ABCA13: variants seen among roughly 807,000 people sequenced by gnomAD.
ABCA13 encodes the protein ATP-binding cassette sub-family A member 13.
Under a neutral mutation model 478.7 loss-of-function variants are expected in ABCA13, and 476 were observed. The observed-to-expected ratio is 0.99, with a 90% CI of 0.92 to 1.07. The LOEUF (loss-of-function observed/expected upper bound fraction) is 1.07. Among genes scored for constraint, ABCA13 ranks in the 50% least tolerant of loss-of-function variants. The pLI is 0.00. For missense variants in ABCA13, 6,060 were observed against 5,910.6 expected, an observed-to-expected ratio of 1.03 and a Z score of -0.83; for synonymous variants, 2,252 against 2,158.9, an observed-to-expected ratio of 1.04 and a Z score of -1.20.
At chr7:48,480,135 A>G (rs753335842) in intron 45 of ABCA13, among the ~76,000 whole-genome samples, 33 of 152,326 alleles carry the variant, frequency 2.2e-4, no homozygotes, top group Non-Finnish European at 3.8e-4. Flanking sequence ...AGTTCAGAAA[A>G]TGAGACTCCA....
intron 55 of ABCA13, among the ~76,000 whole-genome samples, chr7:48,558,032 C>G (rs961225993): frequency 1.3e-5 from 2 of 151,532 alleles, no homozygotes; most frequent in Non-Finnish European, 1.5e-5. Context: ...TTTTAAGTAG[C>G]CTGTCTTCAA....
At chr7:48,293,197 C>CAA (rs1798807159) in intron 20 of ABCA13, among the ~76,000 whole-genome samples, 1 of 127,092 alleles carries the variant, frequency 7.9e-6, no homozygotes, top group African/African-American at 3.1e-5. Flanking sequence ...CTTCAGCCCC[C>CAA]CCCCCGCCAC....
chr7:48,279,418 A>T lies in ABCA13; in HGVS notation c.8224A>T (p.Thr2742Ser). Residue 2742 changes from threonine to serine, a missense_variant, in exon 18 of 62, where the codon ACC becomes TCC. Physicochemically the swap from Thr to Ser is moderately conservative, Grantham distance 58. This residue lies in a region of ABCA13 where 4,423 missense variants were observed against 4,309.1 expected (regional missense o/e 1.03). Coordinates refer to ENST00000435803, the MANE Select transcript of ABCA13 (RefSeq NM_152701.5). ...TTTCTTGAAAATGGTGATCTGTCTC[A>T]CCTTAGAAGCTCTTTGGAAAAACTT... ...GSFLKMVICL[T>S]LEALWKNLKK... 1 of 1,603,544 alleles carries T rather than the reference A, an allele frequency of 6.2e-7. No individual in the cohort carries two copies. Among genetic ancestry groups the T allele is most frequent in the South Asian group, 1.1e-5 (1 of 89,674 alleles).
chr7:48,522,458 T>G (rs1322164034), intron 53 of ABCA13, among the ~76,000 whole-genome samples: 1 of 152,180 alleles, frequency 6.6e-6, no homozygotes, highest in Non-Finnish European at 1.5e-5. Context: ...GTCTGTACCC[T>G]AGGTGCTGGC....
chr7:48,623,176 A>G (rs1484173424), intron 59 of ABCA13, among the ~76,000 whole-genome samples: 1 of 152,162 alleles, frequency 6.6e-6, no homozygotes, highest in Non-Finnish European at 1.5e-5. Context: ...TCTTGTTGAC[A>G]TGTCTTTTGG....
chr7:48,362,335 C>T (rs556475192), intron 31 of ABCA13, among the ~76,000 whole-genome samples: 6 of 148,836 alleles, frequency 4.0e-5, no homozygotes, highest in Non-Finnish European at 7.4e-5. Flanking sequence ...GCTTTGTGGA[C>T]ATAACTCTAC....
chr7:48,322,585 T>C (rs2128912197), intron 27 of ABCA13, among the ~76,000 whole-genome samples: 1 of 152,316 alleles, frequency 6.6e-6, no homozygotes, highest in African/African-American at 2.4e-5. Context: ...GGGCAGCCGG[T>C]GCTCCTACCT....
chr7:48,366,873 G>C (rs1401189801), intron 31 of ABCA13, among the ~76,000 whole-genome samples: 1 of 152,102 alleles, frequency 6.6e-6, no homozygotes, highest in Non-Finnish European at 1.5e-5. Context: ...AGCAATCTCT[G>C]TGTTTATTGG....
intron 42 of ABCA13, among the ~76,000 whole-genome samples, chr7:48,452,656 C>T (rs944647039): frequency 1.3e-5 from 2 of 152,124 alleles, no homozygotes; most frequent in Non-Finnish European, 2.9e-5. Context: ...GAATGGGTGG[C>T]TAGATGTGAA....
chr7:48,487,889 C>G (rs1157294577), intron 47 of ABCA13, among the ~76,000 whole-genome samples: 1 of 152,224 alleles, frequency 6.6e-6, no homozygotes, highest in African/African-American at 2.4e-5. Flanking sequence ...ATGACATAAA[C>G]TCCTTCAGTT....
chr7:48,196,062 G>C (rs1202030835), intron 2 of ABCA13, among the ~76,000 whole-genome samples: 2 of 152,130 alleles, frequency 1.3e-5, no homozygotes, highest in African/African-American at 4.8e-5. Flanking sequence ...GGATAACGTG[G>C]TATCAGGACT....
intron 55 of ABCA13, among the ~76,000 whole-genome samples, chr7:48,544,192 A>T (rs1290789788): frequency 6.6e-6 from 1 of 151,726 alleles, no homozygotes; most frequent in Non-Finnish European, 1.5e-5. Context: ...ACAAGAAAGG[A>T]GGGAAATTTC....
chr7:48,463,586 CCTGG>C (rs1376308418), intron 43 of ABCA13, among the ~76,000 whole-genome samples: 2 of 152,104 alleles, frequency 1.3e-5, no homozygotes, highest in Non-Finnish European at 2.9e-5. Context: ...TCATATGTGG[CCTGG>C]CCTGTAGAGA....
At chr7:48,435,185 A>G (rs1822669535) in intron 42 of ABCA13, among the ~76,000 whole-genome samples, 1 of 151,778 alleles carries the variant, frequency 6.6e-6, no homozygotes, top group South Asian at 2.1e-4. Context: ...TTCTTCAGTA[A>G]CATTTTGTAG....
intron 55 of ABCA13, among the ~76,000 whole-genome samples, chr7:48,545,918 A>C (rs1173672377): frequency 1.3e-5 from 2 of 151,888 alleles, no homozygotes; most frequent in Non-Finnish European, 2.9e-5. Context: ...TCTGAACAAA[A>C]GAATAGAGAC....
chr7:48,597,205 C>T (rs1428894858), intron 58 of ABCA13, among the ~76,000 whole-genome samples: 1 of 152,190 alleles, frequency 6.6e-6, no homozygotes, highest in Non-Finnish European at 1.5e-5. Flanking sequence ...CCGCCTGGGC[C>T]TCCCAAAGTG....
chr7:48,384,520 T>C (rs777496836), intron 35 of ABCA13, among the ~76,000 whole-genome samples: 1 of 152,204 alleles, frequency 6.6e-6, no homozygotes, highest in Non-Finnish European at 1.5e-5. Flanking sequence ...TTACCTGACA[T>C]GTTGGTGGTC....
chr7:48,500,720 C>T (rs62447295), intron 48 of ABCA13, among the ~76,000 whole-genome samples: 9,837 of 152,236 alleles, frequency 0.065, 439 homozygotes, highest in African/African-American at 0.12. Flanking sequence ...GCCACCCCTC[C>T]AGTCTTCCCA....
At chr7:48,331,430 T>C (rs7456400) in intron 27 of ABCA13, among the ~76,000 whole-genome samples, 1 of 152,250 alleles carries the variant, frequency 6.6e-6, no homozygotes. Flanking sequence ...AATATGATTA[T>C]GAATTCATAG....
Sources: gnomAD v4.1 joint callset for allele counts (sites outside exome capture counted in the v4.1 genomes callset) on GRCh38, gnomAD v4.1.1 for gene constraint, gnomAD v4.1.1 regional missense constraint, MANE v1.5 for transcripts, NCBI Gene and HGNC (gene_info 2026-07-23, HGNC 2026-07-21) for gene names.